The following RC3H2 variants were observed in gnomAD, a reference collection of about 807,000 sequenced individuals.
RC3H2 encodes the protein ring finger and CCCH-type domains 2, also known as roquin-2.
Under a neutral mutation model 133.3 loss-of-function variants are expected in RC3H2, and 31 were observed. The observed-to-expected ratio is 0.23, with a 90% confidence interval of 0.17 to 0.31. The LOEUF (loss-of-function observed/expected upper bound fraction) is 0.31. Ranked by LOEUF, RC3H2 falls within the 10% of genes least tolerant of loss-of-function variation. The pLI, the probability that RC3H2 is intolerant of heterozygous loss-of-function variation, is 1.00. For missense variants in RC3H2, 1,175 were observed against 1,437.2 expected, an observed-to-expected ratio of 0.82 and a Z score of 2.95; for synonymous variants, 517 against 502.2, an observed-to-expected ratio of 1.03 and a Z score of -0.40.
At chr9:122,902,910 C>T (rs965980504) in intron 1 of RC3H2, among the ~76,000 whole-genome samples, 1 of 150,688 alleles carries the variant, frequency 6.6e-6, no homozygotes, top group Non-Finnish European at 1.5e-5. Flanking sequence ...TTTTATTTAT[C>T]CCAGTTTATA....
Position 122,880,048 on chromosome 9 carries a change from G to A in RC3H2, c.1038C>T (p.Asn346=), listed in dbSNP as rs764793276. Residue 346 remains asparagine, a synonymous_variant, in exon 7 of 21, where the codon AAC becomes AAT. Coordinates refer to ENST00000357244, the MANE Select transcript of RC3H2 (RefSeq NM_001100588.3). The part of the protein sequence containing the change: ...IVLQRTGDPA[N]LNRLRPHLEL... ...CTAAATGAGGCCTCAGTCTATTTAA[G>A]TTAGCTGGGTCACCTGTTCGTTGCA... is the stretch of plus-strand genomic sequence containing the variant. 6.2e-7 allele frequency: 1 copy of A among 1,614,180 alleles called. No homozygotes were observed. Among genetic ancestry groups the A allele is most frequent in the Non-Finnish European group, 8.5e-7 (1 of 1,180,020 alleles).
chr9:122,866,160 TAAAC>T (rs1047485348), intron 9 of RC3H2, among the ~76,000 whole-genome samples: 66 of 152,308 alleles, frequency 4.3e-4, no homozygotes, highest in African/African-American at 3.8e-4. Context: ...AACTCATTCT[TAAAC>T]AAACATTACA....
Position 122,891,144 on chromosome 9 carries a change from C to T in RC3H2, c.350-599G>A, listed in dbSNP as rs565740249. On this transcript the variant is annotated intron_variant, in intron 3 of 20. Coordinates refer to ENST00000357244, the MANE Select transcript of RC3H2 (RefSeq NM_001100588.3). ...AAGCAATTCTCCTGCCTCAGCCTCC[C>T]GAGTAGCTGGGATTACAGGTGAGTG... is the stretch of plus-strand genomic sequence containing the variant. Among the ~76,000 whole-genome samples the T allele has an allele frequency of 1.8e-3, 277 of 151,478 alleles. 1 individual carries two copies. The highest frequency in any genetic ancestry group is 2.9e-3 in the Non-Finnish European group (200 of 67,886).
chr9:122,855,429 C>T, intron 14 of RC3H2, 32 bp from the exon 15 acceptor site: 1 of 1,575,458 alleles, frequency 6.3e-7, no homozygotes, highest in East Asian at 2.2e-5. Context: ...AATAAAAGGA[C>T]TGTTGGCAAT....
At chr9:122,876,985 T>C (rs551444471) in intron 9 of RC3H2, among the ~76,000 whole-genome samples, 2 of 152,330 alleles carry the variant, frequency 1.3e-5, no homozygotes, top group African/African-American at 4.8e-5. Context: ...GTGCTCAGTA[T>C]AAATATGGAT....
intron 9 of RC3H2, among the ~76,000 whole-genome samples, chr9:122,876,518 C>G (rs1831344885): frequency 6.6e-6 from 1 of 151,752 alleles, no homozygotes; most frequent in Non-Finnish European, 1.5e-5. Flanking sequence ...GTTCCAGCTA[C>G]TCGGGAGGCT....
chr9:122,852,233 C>CG, intron 18 of RC3H2, among the ~76,000 whole-genome samples: 1 of 151,602 alleles, frequency 6.6e-6, no homozygotes, highest in Non-Finnish European at 1.5e-5. Flanking sequence ...GCCGCCCCGT[C>CG]TGAGAAGTGA....
At position 122,855,935 on chromosome 9, in the gene RC3H2, G is replaced by A. The variant is rs1830229273; in HGVS notation, c.2455-57C>T. 5 of 1,401,520 alleles carry A rather than the reference G, an allele frequency of 3.6e-6. No homozygotes were observed. The Admixed American group carries it at 1.1e-4, about 30-fold the overall frequency. The allele number at this position is 1,401,520 out of a possible 1,614,324, so 86.8% of individuals were successfully genotyped here. ...GTAAGAAGCTTAAATTTACAAGCTT[G>A]TAACTAATATAAAGTAACTATTATA... On this transcript the variant is annotated intron_variant, in intron 13 of 20. Transcript: ENST00000357244.
chr9:122,882,939 T>G (rs1211302314), intron 5 of RC3H2, among the ~76,000 whole-genome samples: 1 of 152,244 alleles, frequency 6.6e-6, no homozygotes, highest in Admixed American at 6.5e-5. Flanking sequence ...CCACTTTTAC[T>G]TGATAAGAGT....
At chr9:122,866,549 C>CGCGCT (rs1830676022) in intron 9 of RC3H2, among the ~76,000 whole-genome samples, 1 of 151,992 alleles carries the variant, frequency 6.6e-6, no homozygotes, top group Non-Finnish European at 1.5e-5. Context: ...CGATTGCAGG[C>CGCGCT]GCGCGCCGCC....
At chr9:122,872,348 A>G (rs1197168162) in intron 9 of RC3H2, among the ~76,000 whole-genome samples, 1 of 152,214 alleles carries the variant, frequency 6.6e-6, no homozygotes, top group Non-Finnish European at 1.5e-5. Context: ...CCGAGCTACC[A>G]AACTCCCACC....
At chr9:122,855,515 C>T (rs1830209181) in intron 14 of RC3H2, 118 bp from the exon 15 acceptor site, 4 of 1,013,992 alleles carry the variant, frequency 3.9e-6, no homozygotes, top group African/African-American at 1.6e-5. Context: ...TAGCTCTAGA[C>T]TCAACGATAA....
intron 5 of RC3H2, 102 bp from the exon 6 acceptor site, chr9:122,880,896 C>A: frequency 2.7e-6 from 2 of 750,700 alleles, no homozygotes; most frequent in Admixed American, 2.2e-5. Flanking sequence ...ACTTACATAT[C>A]AGACACCACA....
chr9:122,849,605 A>G lies in RC3H2; in HGVS notation c.*22T>C. ...TAAATGCTTCCATGGTGTGGTCACA[A>G]ATTTGAAAGATGAACCTCCTTTCAG... On this transcript the variant is annotated 3_prime_UTR_variant, in exon 21 of 21. Transcript: ENST00000357244. 6.4e-7 allele frequency: 1 copy of G among 1,573,162 alleles called. No individual in the cohort carries two copies. Among genetic ancestry groups the G allele is most frequent in the Non-Finnish European group, 8.7e-7 (1 of 1,148,116 alleles).
Position 122,890,543 on chromosome 9 carries a change from C to T in RC3H2, c.352G>A (p.Val118Ile), listed in dbSNP as rs201462653. 4.7e-5 allele frequency: 75 copies of T among 1,599,550 alleles called. No individual in the cohort carries two copies. The highest frequency in any genetic ancestry group is 5.7e-5 in the Non-Finnish European group (67 of 1,170,612). ...YLKPLSGGKG[V>I]ASLNQSALSR... ...AGTGCACTCTGGTTCAAGCTAGCTA[C>T]ACCTTTAGGAAAAGGGAAACAAAGG... The change falls in exon 4 of 21, where the codon GTA becomes ATA. Residue 118 changes from valine (V) to isoleucine (I), a missense_variant and splice_region_variant. This residue lies in a region of RC3H2 where 121 missense variants were observed against 243.5 expected (regional missense o/e 0.50). Transcript: ENST00000357244.
chr9:122,898,358 A>G (rs1490534340), intron 1 of RC3H2, among the ~76,000 whole-genome samples: 2 of 152,216 alleles, frequency 1.3e-5, no homozygotes, highest in African/African-American at 4.8e-5. Flanking sequence ...GAAGACACAG[A>G]AGAATAAAAC....
At chr9:122,860,728 A>T (rs934195595) in intron 10 of RC3H2, among the ~76,000 whole-genome samples, 1 of 151,962 alleles carries the variant, frequency 6.6e-6, no homozygotes, top group African/African-American at 2.4e-5. Context: ...CTCATTCTTT[A>T]AACAAACATT....
At chr9:122,898,453 A>G (rs1832513132) in intron 1 of RC3H2, among the ~76,000 whole-genome samples, 1 of 152,160 alleles carries the variant, frequency 6.6e-6, no homozygotes, top group Non-Finnish European at 1.5e-5. Context: ...CTTATTTCTG[A>G]GATCAAAATG....
At chr9:122,892,863 A>T in intron 3 of RC3H2, 46 bp downstream of exon 3, 6 of 1,438,936 alleles carry the variant, frequency 4.2e-6, no homozygotes, top group Non-Finnish European at 5.9e-6. Context: ...AAGTAAATGT[A>T]CTACCAAGTC....
Sources: gnomAD v4.1 joint callset for allele counts (sites outside exome capture counted in the v4.1 genomes callset) on GRCh38, gnomAD v4.1.1 for gene constraint, gnomAD v4.1.1 regional missense constraint, MANE v1.5 for transcripts, NCBI Gene and HGNC (gene_info 2026-07-23, HGNC 2026-07-21) for gene names.